The following DNER variants were observed in gnomAD, a reference collection of about 807,000 sequenced individuals.
DNER encodes delta/notch like EGF repeat containing.
DNER carries 33 observed loss-of-function variants against 78.2 expected under a neutral mutation model. The ratio of observed to expected loss-of-function variants is 0.42; its 90% CI spans 0.32 to 0.56. The LOEUF is 0.56. Ranked by LOEUF, DNER falls within the 20% of genes least tolerant of loss-of-function variation. The pLI, the probability that DNER is intolerant of heterozygous loss-of-function variation, is 0.11. For synonymous variants in DNER, 417 were observed against 384.8 expected, an observed-to-expected ratio of 1.08 and a Z score of -0.98; for missense variants, 918 against 975.3, an observed-to-expected ratio of 0.94 and a Z score of 0.78.
chr2:229,462,333 AT>A, intron 7 of DNER, among the ~76,000 whole-genome samples: 1 of 152,090 alleles, frequency 6.6e-6, no homozygotes, highest in East Asian at 1.9e-4. Flanking sequence ...TGACACTGGC[AT>A]TTTTTGCTGA....
intron 1 of DNER, among the ~76,000 whole-genome samples, chr2:229,619,927 C>T (rs1336597851): frequency 2.0e-5 from 3 of 152,234 alleles, no homozygotes; most frequent in Non-Finnish European, 4.4e-5. Context: ...ACCTGCACTA[C>T]TATTCCATCC....
At chr2:229,491,448 T>C (rs942183615) in intron 6 of DNER, among the ~76,000 whole-genome samples, 2 of 152,210 alleles carry the variant, frequency 1.3e-5, no homozygotes, top group African/African-American at 4.8e-5. Context: ...CACCTTCTAA[T>C]ACCAACACCT....
chr2:229,616,797 C>T (rs756032601), intron 1 of DNER, among the ~76,000 whole-genome samples: 184 of 152,326 alleles, frequency 1.2e-3, no homozygotes, highest in Non-Finnish European at 2.3e-3. Context: ...GCAAAAGGCT[C>T]ACATAGGCTA....
At chr2:229,544,364 G>A (rs2154213133) in intron 5 of DNER, among the ~76,000 whole-genome samples, 1 of 152,296 alleles carries the variant, frequency 6.6e-6, no homozygotes, top group East Asian at 1.9e-4. Context: ...GAAGCAGGGA[G>A]AGTTTGGGCT....
intron 1 of DNER, among the ~76,000 whole-genome samples, chr2:229,689,559 G>A (rs1344359436): frequency 2.0e-5 from 3 of 152,188 alleles, no homozygotes; most frequent in Non-Finnish European, 2.9e-5. Context: ...CAGATTGGAT[G>A]AAAGGGAAAT....
chr2:229,507,626 G>A lies in DNER; in HGVS notation c.1147+5157C>T, dbSNP rs537993277. ...TTCTGTCTGTAGCTTTGAAGAAATA[G>A]GGACACGTTATAAAGTATCATATAC... On this transcript the variant is annotated intron_variant, in intron 6 of 12. Coordinates refer to ENST00000341772, the MANE Select transcript of DNER (RefSeq NM_139072.4). 3.3e-5 allele frequency among the ~76,000 whole-genome samples: 5 copies of A among 152,202 alleles called. No individual in the cohort carries two copies. In the South Asian group the frequency reaches 6.2e-4, roughly 19 times the overall value.
chr2:229,619,114 G>A (rs1344070051), intron 1 of DNER, among the ~76,000 whole-genome samples: 1 of 151,718 alleles, frequency 6.6e-6, no homozygotes, highest in Non-Finnish European at 1.5e-5. Context: ...TTCCAGCCTG[G>A]GGGACAAAGT....
chr2:229,427,589 G>A (rs1693906204), intron 8 of DNER, among the ~76,000 whole-genome samples: 1 of 152,160 alleles, frequency 6.6e-6, no homozygotes, highest in Non-Finnish European at 1.5e-5. Flanking sequence ...ATGCAGGAGA[G>A]CTGACCTTGC....
At chr2:229,691,682 A>C (rs1356132129) in intron 1 of DNER, among the ~76,000 whole-genome samples, 3 of 152,166 alleles carry the variant, frequency 2.0e-5, no homozygotes, top group Non-Finnish European at 4.4e-5. Flanking sequence ...GCTATTTGCT[A>C]AAGAGACACT....
intron 5 of DNER, among the ~76,000 whole-genome samples, chr2:229,531,356 A>C (rs2154212827): frequency 6.6e-6 from 1 of 152,318 alleles, no homozygotes; most frequent in Non-Finnish European, 1.5e-5. Context: ...TGTTGGGGAA[A>C]CTCATTTTTT....
chr2:229,595,250 C>A (rs551482073), intron 1 of DNER, among the ~76,000 whole-genome samples: 11 of 151,712 alleles, frequency 7.3e-5, no homozygotes, highest in Admixed American at 2.0e-4. Flanking sequence ...AAATGACTGA[C>A]TTTTACCCAG....
intron 1 of DNER, among the ~76,000 whole-genome samples, chr2:229,664,952 C>T (rs935192728): frequency 6.6e-6 from 1 of 152,118 alleles, no homozygotes. Flanking sequence ...CTTCAGCATT[C>T]TTTATCATGA....
intron 7 of DNER, among the ~76,000 whole-genome samples, chr2:229,450,046 C>T (rs9711829): frequency 0.12 from 18,547 of 152,256 alleles, 1,212 homozygotes; most frequent in South Asian, 0.22. Context: ...TCCCAAAGTG[C>T]TGGGATTATA....
At chr2:229,492,546 C>T (rs1466215812) in intron 6 of DNER, among the ~76,000 whole-genome samples, 1 of 152,198 alleles carries the variant, frequency 6.6e-6, no homozygotes, top group Non-Finnish European at 1.5e-5. Context: ...TTCCGGTTTC[C>T]CCCATGAGCT....
intron 1 of DNER, among the ~76,000 whole-genome samples, chr2:229,602,097 A>C (rs1229810210): frequency 6.6e-6 from 1 of 152,020 alleles, no homozygotes; most frequent in Admixed American, 6.6e-5. Context: ...GCCTCTCATC[A>C]GAGACACTCA....
chr2:229,546,087 T>C (rs1696621227), intron 5 of DNER, among the ~76,000 whole-genome samples: 1 of 152,236 alleles, frequency 6.6e-6, no homozygotes, highest in African/African-American at 2.4e-5. Flanking sequence ...ACAAATGCAT[T>C]ACAATTACTT....
At chr2:229,479,302 A>G (rs7569251) in intron 6 of DNER, among the ~76,000 whole-genome samples, 19,001 of 152,240 alleles carry the variant, frequency 0.12, 1,334 homozygotes, top group South Asian at 0.2. Flanking sequence ...CTAAGGTTAC[A>G]CTTAAGGCAC....
intron 1 of DNER, among the ~76,000 whole-genome samples, chr2:229,594,899 T>C (rs557782761): frequency 6.7e-6 from 1 of 148,568 alleles, no homozygotes; most frequent in East Asian, 2.0e-4. Context: ...GGAACACTGA[T>C]TGAGGACTTA....
intron 6 of DNER, among the ~76,000 whole-genome samples, chr2:229,511,645 G>A (rs1036474737): frequency 1.3e-5 from 2 of 152,202 alleles, no homozygotes; most frequent in South Asian, 2.1e-4. Flanking sequence ...AGAAGATTAG[G>A]TGGCTTTTGT....
Sources: gnomAD v4.1 joint callset for allele counts (sites outside exome capture counted in the v4.1 genomes callset) on GRCh38, gnomAD v4.1.1 for gene constraint, MANE v1.5 for transcripts, NCBI Gene and HGNC (gene_info 2026-07-23, HGNC 2026-07-21) for gene names.